Variants in MARCHF2 observed in about 807,000 individuals in gnomAD.
MARCHF2 encodes the protein membrane associated ring-CH-type finger 2, also known as E3 ubiquitin-protein ligase MARCHF2.
In MARCHF2, 22 loss-of-function variants were observed where a neutral mutation model predicts 24.0. The observed-to-expected ratio is 0.92, with a 90% CI of 0.66 to 1.31. MARCHF2 has a LOEUF of 1.31. Ranked by LOEUF, MARCHF2 falls within the 50% of genes most tolerant of loss-of-function variation. The pLI is 0.00. For synonymous variants in MARCHF2, 154 were observed against 153.0 expected, an observed-to-expected ratio of 1.01 and a Z score of -0.05; for missense variants, 301 against 335.3, an observed-to-expected ratio of 0.90 and a Z score of 0.80.
At chr19:8,437,770 G>A (rs1599720348) in intron 4 of MARCHF2, among the ~76,000 whole-genome samples, 1 of 142,146 alleles carries the variant, frequency 7.0e-6, no homozygotes, top group Non-Finnish European at 1.5e-5. Flanking sequence ...TTTGAGACAG[G>A]GTCTCACTCT....
Position 8,438,434 on chromosome 19 carries a change from C to T in MARCHF2, c.629C>T (p.Thr210Ile), listed in dbSNP as rs139486670. The T allele has an allele frequency of 9.0e-5, 145 of 1,613,986 alleles. No homozygotes were observed. The highest frequency in any genetic ancestry group is 1.2e-4 in the Non-Finnish European group (139 of 1,180,042). Residue 210 changes from threonine to isoleucine, a missense_variant, in exon 5 of 5, where the codon ACC (threonine) becomes ATC (isoleucine). Physicochemically the swap from Thr to Ile is moderately conservative, Grantham distance 89 (BLOSUM62 -1). Transcript: ENST00000215555. ...CAGCTGTACTCCGAGTGGAGAAAGACCAACCAGAAAGTTCGCCTGAAGATC... is the reference window on the plus strand; with the variant it reads ...CAGCTGTACTCCGAGTGGAGAAAGATCAACCAGAAAGTTCGCCTGAAGATC... ...HCQLYSEWRK[T>I]NQKVRLKIRE...
chr19:8,430,511 G>A lies in MARCHF2; in HGVS notation c.373-147G>A. The stretch of plus-strand genomic sequence containing the variant: ...GATCACACCATTGCACTCCATCCTG[G>A]GCAACAGAGTGAGAATCTGTCTCAA... On this transcript the variant is annotated intron_variant, in intron 3 of 4. Coordinates refer to ENST00000215555, the MANE Select transcript of MARCHF2 (RefSeq NM_001005415.2). The surrounding 1 kb of genome is among the most constrained non-coding windows in gnomAD (Gnocchi z 4.4). 1 of 647,424 alleles carries A rather than the reference G, an allele frequency of 1.5e-6. No individual in the cohort carries two copies. The highest frequency in any genetic ancestry group is 1.9e-5 in the South Asian group (1 of 51,662). The allele number at this position is 647,424 out of a possible 1,614,324, so 40.1% of individuals were successfully genotyped here. A position where few individuals can be genotyped will look rare whatever the true frequency, so the allele number is the denominator to read the frequency against.
chr19:8,421,156 T>A (rs1316030907), intron 1 of MARCHF2, among the ~76,000 whole-genome samples: 1 of 149,386 alleles, frequency 6.7e-6, no homozygotes, highest in Admixed American at 6.7e-5. Flanking sequence ...AGAGTCTTGC[T>A]CTGTCGCCCA....
Position 8,421,774 on chromosome 19 carries a change from C to G in MARCHF2, c.-52-15C>G. ...ATTAACCTTGCCCCTAACCTCCGCA[C>G]TGGCCTGTTCCCAGGCTCCTGGAAC... On this transcript the variant is annotated splice_polypyrimidine_tract_variant and intron_variant, in intron 1 of 4. Coordinates refer to ENST00000215555, the MANE Select transcript of MARCHF2 (RefSeq NM_001005415.2). 1 of 1,471,876 alleles carries G rather than the reference C, an allele frequency of 6.8e-7. No homozygotes were observed. The highest frequency in any genetic ancestry group is 9.2e-7 in the Non-Finnish European group (1 of 1,091,788). The allele number at this position is 1,471,876 out of a possible 1,614,324, so 91.2% of individuals were successfully genotyped here.
At position 8,426,682 on chromosome 19, in the gene MARCHF2, G is replaced by A. The variant is rs199560113; in HGVS notation, c.250G>A (p.Gly84Ser). ...ECLLSPCGCT[G>S]TLGAVHKSCL... The stretch of plus-strand genomic sequence containing the variant: ...CTTGCTGTCCCCGTGTGGCTGCACC[G>A]GCACGCTGGGTGCCGTGCATAAGAG... Residue 84 changes from glycine (G) to serine (S), a missense_variant, in exon 3 of 5, where the codon GGC becomes AGC. Gly to Ser is a moderately conservative substitution (Grantham distance 56). Coordinates refer to ENST00000215555, the MANE Select transcript of MARCHF2 (RefSeq NM_001005415.2). 1.7e-5 allele frequency: 27 copies of A among 1,613,958 alleles called. No individual in the cohort carries two copies. Among genetic ancestry groups the A allele is most frequent in the Middle Eastern group, 1.7e-4 (1 of 5,906 alleles).
chr19:8,435,686 CCCA>C (rs1599718083), intron 4 of MARCHF2, among the ~76,000 whole-genome samples: 1 of 40,622 alleles, frequency 2.5e-5, no homozygotes, highest in East Asian at 5.9e-3. Flanking sequence ...ACCATAGGTG[CCCA>C]CTACCACACC....
chr19:8,438,471 C>T lies in MARCHF2; in HGVS notation c.666C>T (p.Asp222=), dbSNP rs779474583. ...QKVRLKIREA[D]SPEGPQHSPL... The stretch of plus-strand genomic sequence containing the variant: ...TTCGCCTGAAGATCCGGGAGGCGGA[C>T]AGCCCCGAGGGCCCCCAGCATTCTC... Residue 222 remains aspartate, a synonymous_variant, in exon 5 of 5, where the codon GAC becomes GAT. Transcript: ENST00000215555. 1.2e-6 allele frequency: 2 copies of T among 1,614,138 alleles called. No homozygotes were observed. The highest frequency in any genetic ancestry group is 1.1e-5 in the South Asian group (1 of 91,086).
chr19:8,419,999 A>G (rs565055660), intron 1 of MARCHF2, among the ~76,000 whole-genome samples: 6 of 148,430 alleles, frequency 4.0e-5, no homozygotes, highest in African/African-American at 1.5e-4. Context: ...TGTACTAAAA[A>G]TTCAAAAAAT....
chr19:8,426,856 G>T (rs753442975), intron 3 of MARCHF2, 52 bp downstream of exon 3: 1 of 1,544,860 alleles, frequency 6.5e-7, no homozygotes, highest in Non-Finnish European at 8.9e-7. Context: ...GGGCAGACAT[G>T]GGGGCCAAAG....
At chr19:8,420,529 C>G (rs944825556) in intron 1 of MARCHF2, among the ~76,000 whole-genome samples, 20 of 136,118 alleles carry the variant, frequency 1.5e-4, no homozygotes, top group African/African-American at 5.0e-4. Flanking sequence ...CAGCGAAACT[C>G]TGTCTCAAAA....
intron 2 of MARCHF2, among the ~76,000 whole-genome samples, chr19:8,426,174 T>C (rs1599708791): frequency 7.4e-6 from 1 of 134,668 alleles, no homozygotes; most frequent in Admixed American, 9.2e-5. Context: ...GAGCTTGCAG[T>C]GAGCCGAGAT....
At chr19:8,429,950 G>A (rs1264934917) in intron 3 of MARCHF2, among the ~76,000 whole-genome samples, 1 of 151,896 alleles carries the variant, frequency 6.6e-6, no homozygotes, top group Non-Finnish European at 1.5e-5. Context: ...CTATGTAGCT[G>A]TGTGAGTTTG....
chr19:8,436,014 C>T (rs569598529), intron 4 of MARCHF2, among the ~76,000 whole-genome samples: 2 of 152,062 alleles, frequency 1.3e-5, no homozygotes, highest in African/African-American at 2.4e-5. Flanking sequence ...GTGTGCACCA[C>T]GCCTGGCTAA....
At chr19:8,435,828 CTGTGTGTGTGTGTG>C (rs35027764) in intron 4 of MARCHF2, among the ~76,000 whole-genome samples, 5 of 141,068 alleles carry the variant, frequency 3.5e-5, no homozygotes, top group African/African-American at 5.2e-5. Context: ...TGCACCTGGC[CTGTGTGTGTGTGTG>C]TGTGTGTGTG....
intron 1 of MARCHF2, among the ~76,000 whole-genome samples, chr19:8,421,128 T>G (rs12609932): frequency 0.25 from 37,269 of 149,906 alleles, 5,345 homozygotes; most frequent in Middle Eastern, 0.34. Context: ...TTTTTGGGTT[T>G]TTTTTTTTTT....
At chr19:8,416,712 G>T (rs559394469) in intron 1 of MARCHF2, among the ~76,000 whole-genome samples, 1 of 151,736 alleles carries the variant, frequency 6.6e-6, no homozygotes, top group Non-Finnish European at 1.5e-5. Context: ...GATTACAGGC[G>T]CACATCACCA....
At chr19:8,437,429 G>A (rs1190113243) in intron 4 of MARCHF2, among the ~76,000 whole-genome samples, 2 of 140,058 alleles carry the variant, frequency 1.4e-5, no homozygotes, top group Non-Finnish European at 3.0e-5. Flanking sequence ...TCGGCTCACT[G>A]CAAGCTCTGC....
chr19:8,435,629 C>G (rs1024754485), intron 4 of MARCHF2, among the ~76,000 whole-genome samples: 1 of 152,132 alleles, frequency 6.6e-6, no homozygotes, highest in Non-Finnish European at 1.5e-5. Flanking sequence ...ACCTCTACCT[C>G]CTGGGCTCAA....
chr19:8,426,049 A>T (rs1369909548), intron 2 of MARCHF2, among the ~76,000 whole-genome samples: 1 of 146,014 alleles, frequency 6.8e-6, no homozygotes, highest in Non-Finnish European at 1.5e-5. Flanking sequence ...AACACGGTGA[A>T]ACCCCGTCTC....
Sources: allele counts gnomAD v4.1 joint callset (sites outside exome capture counted in the v4.1 genomes callset), GRCh38; gene constraint gnomAD v4.1.1; non-coding constraint Gnocchi (gnomAD v3.1); transcripts MANE v1.5; gene names NCBI Gene and HGNC (gene_info 2026-07-23, HGNC 2026-07-21).